The following RAPGEF4 variants were observed in gnomAD, a reference collection of about 807,000 sequenced individuals.
RAPGEF4 encodes RAP guanine-nucleotide-exchange factor (GEF) 4.
A neutral mutation model predicts 147.9 loss-of-function variants in RAPGEF4; 66 were observed. That is an observed-to-expected ratio of 0.45 (90% CI 0.37 to 0.55). RAPGEF4 has a LOEUF of 0.55. Among genes scored for constraint, RAPGEF4 ranks in the 20% least tolerant of loss-of-function variants. The probability of loss-of-function intolerance (pLI) is 0.00; values close to 1 mark genes in which losing one functional copy is unlikely to be tolerated. For missense variants in RAPGEF4, 1,071 were observed against 1,257.3 expected (o/e 0.85, Z 2.24); for synonymous variants, 419 against 442.7 (o/e 0.95, Z 0.67).
intron 23 of RAPGEF4, among the ~76,000 whole-genome samples, chr2:173,024,973 A>G (rs1332350631): frequency 6.6e-6 from 1 of 152,194 alleles, no homozygotes; most frequent in Non-Finnish European, 1.5e-5. Context: ...AAACCTTGCT[A>G]TTCTCACCTG....
intron 17 of RAPGEF4, among the ~76,000 whole-genome samples, chr2:173,001,933 A>G (rs1693960598): frequency 7.0e-6 from 1 of 143,126 alleles, no homozygotes. Context: ...AAACATCCAA[A>G]CTGTACCATT....
chr2:173,027,100 C>T lies in RAPGEF4; in HGVS notation c.2399C>T (p.Thr800Ile), dbSNP rs1267045328. 6.2e-7 allele frequency: 1 copy of T among 1,603,832 alleles called. No homozygotes were observed. Among genetic ancestry groups the T allele is most frequent in the South Asian group, 1.1e-5 (1 of 88,058 alleles). ...TTCTAGCTGGAGCTAATCTATCACA[C>T]ATTTGGAAGGCATAATTTTAAAAAG... ...CVHELELIYH[T>I]FGRHNFKKTT... Residue 800 changes from threonine (T) to isoleucine (I), a missense_variant, in exon 25 of 31, where the codon ACA (threonine) becomes ATA (isoleucine). By Grantham distance (89) the Thr-to-Ile change is moderately conservative. Coordinates refer to ENST00000397081, the MANE Select transcript of RAPGEF4 (RefSeq NM_007023.4).
In RAPGEF4 at chr2:172,855,813, T is replaced by C. The variant is rs557507420; in HGVS notation, c.444+41388T>C. Among the ~76,000 whole-genome samples the C allele has an allele frequency of 7.9e-5, 12 of 152,324 alleles. No homozygotes were observed. The East Asian group carries it at 1.9e-3, about 24-fold the overall frequency. ...ATTCTCTGTGAATTTTGATGGAAAGTTACTACTAATATAGTTTTCTCCTAT... is the reference window on the plus strand; with the variant it reads ...ATTCTCTGTGAATTTTGATGGAAAGCTACTACTAATATAGTTTTCTCCTAT... On this transcript the variant is annotated intron_variant, in intron 4 of 30. Transcript: ENST00000397081.
intron 4 of RAPGEF4, among the ~76,000 whole-genome samples, chr2:172,904,917 T>C (rs1202325160): frequency 6.6e-6 from 1 of 151,962 alleles, no homozygotes; most frequent in Non-Finnish European, 1.5e-5. Flanking sequence ...TTAGAATGCT[T>C]CCTGTCACAT....
At chr2:172,991,048 C>T in intron 15 of RAPGEF4, 123 bp downstream of exon 15, 1 of 711,284 alleles carries the variant, frequency 1.4e-6, no homozygotes, top group Non-Finnish European at 2.4e-6. Flanking sequence ...GACTTTTTTC[C>T]TCTCTATTGA....
At chr2:172,989,588 C>A (rs1016714654) in intron 14 of RAPGEF4, among the ~76,000 whole-genome samples, 1 of 152,140 alleles carries the variant, frequency 6.6e-6, no homozygotes, top group Non-Finnish European at 1.5e-5. Context: ...CCCCAGCATG[C>A]GGTCCCTTGT....
At chr2:172,863,678 T>C (rs193186410) in intron 4 of RAPGEF4, among the ~76,000 whole-genome samples, 2 of 152,326 alleles carry the variant, frequency 1.3e-5, no homozygotes, top group Non-Finnish European at 2.9e-5. Flanking sequence ...TAACTTATTG[T>C]GATTTTTAAG....
chr2:172,797,787 G>A (rs1351228764), intron 3 of RAPGEF4, among the ~76,000 whole-genome samples, 174 bp downstream of exon 3: 1 of 152,100 alleles, frequency 6.6e-6, no homozygotes, highest in African/African-American at 2.4e-5. Context: ...AACACCTATT[G>A]AATGTCTTCC....
intron 23 of RAPGEF4, among the ~76,000 whole-genome samples, chr2:173,023,972 A>T (rs1171627873): frequency 6.6e-6 from 1 of 152,178 alleles, no homozygotes; most frequent in African/African-American, 2.4e-5. Context: ...AAGCTTCCCC[A>T]ACTTTTTTTA....
intron 1 of RAPGEF4, among the ~76,000 whole-genome samples, chr2:172,749,941 T>C (rs1315204014): frequency 6.6e-6 from 1 of 152,218 alleles, no homozygotes; most frequent in East Asian, 1.9e-4. Context: ...CCAGTTTCTT[T>C]GCTAAAACAT....
At chr2:173,026,730 A>C (rs750431441) in intron 24 of RAPGEF4, 33 bp downstream of exon 24, 1 of 1,610,172 alleles carries the variant, frequency 6.2e-7, no homozygotes, top group Non-Finnish European at 8.5e-7. Context: ...TTAGTAGCTG[A>C]GATAGCAAGG....
chr2:172,947,812 A>AAT (rs1687825694), intron 6 of RAPGEF4, among the ~76,000 whole-genome samples: 1 of 152,176 alleles, frequency 6.6e-6, no homozygotes, highest in East Asian at 1.9e-4. Context: ...TTCATTAAAG[A>AAT]ATATATATAC....
rs1692631325 is a variant in RAPGEF4, at chr2:172,989,671, C to T, written c.1374+832C>T. 2.0e-5 allele frequency among the ~76,000 whole-genome samples: 3 copies of T among 152,140 alleles called. No individual in the cohort carries two copies. In the South Asian group the frequency reaches 6.2e-4, roughly 32 times the overall value. On this transcript the variant is annotated intron_variant, in intron 14 of 30. Transcript: ENST00000397081. ...ACTTTTAGGGATGGTGACGATGTCC[C>T]ACCACCCGTGGCTTCTCAGGTGGCC...
At chr2:172,938,629 A>AGT (rs1686843789) in intron 6 of RAPGEF4, among the ~76,000 whole-genome samples, 1 of 152,096 alleles carries the variant, frequency 6.6e-6, no homozygotes, top group Non-Finnish European at 1.5e-5. Context: ...TATACAGTCA[A>AGT]ATTATTTTGT....
intron 4 of RAPGEF4, among the ~76,000 whole-genome samples, chr2:172,857,712 T>C (rs1436853509): frequency 6.6e-6 from 1 of 151,718 alleles, no homozygotes; most frequent in Admixed American, 6.6e-5. Context: ...CAAAACCCCA[T>C]GTGTACAAAA....
chr2:173,019,703 G>C (rs1488328077), intron 22 of RAPGEF4, among the ~76,000 whole-genome samples: 1 of 152,128 alleles, frequency 6.6e-6, no homozygotes, highest in African/African-American at 2.4e-5. Context: ...AGTTGCACAA[G>C]GCCCAGGATG....
At chr2:172,972,506 G>A (rs1228846779) in intron 10 of RAPGEF4, among the ~76,000 whole-genome samples, 2 of 152,194 alleles carry the variant, frequency 1.3e-5, no homozygotes. Context: ...CAGTCACGGC[G>A]AATCCTTCCT....
chr2:172,861,640 T>C (rs1458205864), intron 4 of RAPGEF4, among the ~76,000 whole-genome samples: 1 of 152,214 alleles, frequency 6.6e-6, no homozygotes, highest in Non-Finnish European at 1.5e-5. Context: ...CTTGTCCTAA[T>C]TAGAGGAATA....
At chr2:173,034,105 A>G in intron 27 of RAPGEF4, 141 bp downstream of exon 27, 1 of 721,724 alleles carries the variant, frequency 1.4e-6, no homozygotes, top group Non-Finnish European at 2.2e-6. Context: ...TAGTGCTGCT[A>G]AAACAAGCAT....
Sources: allele counts gnomAD v4.1 joint callset (sites outside exome capture counted in the v4.1 genomes callset), GRCh38; gene constraint gnomAD v4.1.1; transcripts MANE v1.5; gene names NCBI Gene and HGNC (gene_info 2026-07-23, HGNC 2026-07-21).